Variants in ECE1 observed in about 807,000 individuals in gnomAD.
ECE1 encodes the protein endothelin-converting enzyme 1.
ECE1 carries 35 observed loss-of-function variants against 98.6 expected under a neutral mutation model. The ratio of observed to expected loss-of-function variants is 0.35; its 90% CI spans 0.27 to 0.47. The LOEUF (loss-of-function observed/expected upper bound fraction) is 0.47, where lower values mean the gene tolerates loss of function less well. Ranked by LOEUF, ECE1 falls within the 20% of genes least tolerant of loss-of-function variation. The pLI is 1.00. For missense variants in ECE1, 814 were observed against 1,025.3 expected, an observed-to-expected ratio of 0.79 and a Z score of 2.81; for synonymous variants, 394 against 407.1, an observed-to-expected ratio of 0.97 and a Z score of 0.39.
At chr1:21,268,706 G>A (rs4391640) in intron 4 of ECE1, among the ~76,000 whole-genome samples, 8 of 152,168 alleles carry the variant, frequency 5.3e-5, no homozygotes, top group Middle Eastern at 3.2e-3. Flanking sequence ...TTGTTCCCGT[G>A]CCCATCAGCT....
chr1:21,266,003 C>T (rs888475965), intron 4 of ECE1: 3 of 152,228 alleles, frequency 2.0e-5, no homozygotes, highest in East Asian at 3.9e-4. Context: ...TCAGTCCCTA[C>T]CCCAAAGTCC....
intron 4 of ECE1, among the ~76,000 whole-genome samples, chr1:21,261,900 A>G (rs1000305896): frequency 1.3e-5 from 2 of 152,182 alleles, no homozygotes; most frequent in African/African-American, 4.8e-5. Flanking sequence ...TGTGGGGACA[A>G]GCGGGGATGC....
chr1:21,294,185 T>G (rs1638286160), upstream of ECE1: 1 of 152,488 alleles, frequency 6.6e-6, no homozygotes, highest in Non-Finnish European at 1.5e-5. This position sits in a 1 kb window ranked among gnomAD's most constrained non-coding sequence, Gnocchi z 4.2. Context: ...CTGTGCTCCT[T>G]GTGGAAGATG....
chr1:21,272,716 A>T lies in ECE1; in HGVS notation c.476T>A (p.Ile159Asn). ...ATGCTTACCGAGGAGGTGCTTGATG[A>T]TTGCTTGGTTGTGTTCCCAGAGGTT... Reference protein sequence around the residue: ...FSNLWEHNQAIIKHLLENSTA... With the variant: ...FSNLWEHNQANIKHLLENSTA... Residue 159 changes from isoleucine (I) to asparagine (N), a missense_variant, in exon 4 of 19, where the codon ATC becomes AAC. Around this residue, in one of 3 missense-constraint regions of ECE1, gnomAD observed 257 missense variants for 278.9 expected, o/e 0.92. Coordinates refer to ENST00000374893, the MANE Select transcript of ECE1 (RefSeq NM_001397.3). The T allele has an allele frequency of 6.2e-7, 1 of 1,614,188 alleles. No homozygotes were observed. Among genetic ancestry groups the T allele is most frequent in the Non-Finnish European group, 8.5e-7 (1 of 1,180,036 alleles).
chr1:21,219,882 G>T lies in ECE1; in HGVS notation c.*73C>A. The T allele has an allele frequency of 6.3e-7, 1 of 1,593,696 alleles. No individual in the cohort carries two copies. The highest frequency in any genetic ancestry group is 8.6e-7 in the Non-Finnish European group (1 of 1,167,568). On this transcript the variant is annotated 3_prime_UTR_variant, in exon 19 of 19. Coordinates refer to ENST00000374893, the MANE Select transcript of ECE1 (RefSeq NM_001397.3). This position sits in a 1 kb window ranked among gnomAD's most constrained non-coding sequence, Gnocchi z 4.5. Reference sequence around the variant, plus strand: ...CGGGTGGCCAAGCGGGCTGAGCAATGCCCTGGAGGCTGGATGGGGGTCTCG... The same window carrying T: ...CGGGTGGCCAAGCGGGCTGAGCAATTCCCTGGAGGCTGGATGGGGGTCTCG...
chr1:21,295,662 T>G (rs1638335334), intron 1 of ECE1, among the ~76,000 whole-genome samples: 1 of 152,252 alleles, frequency 6.6e-6, no homozygotes, highest in Non-Finnish European at 1.5e-5. Flanking sequence ...TTCTTGGCCT[T>G]TAGGTTCAGC....
chr1:21,242,378 T>C (rs1341206775), intron 10 of ECE1, among the ~76,000 whole-genome samples: 1 of 152,184 alleles, frequency 6.6e-6, no homozygotes, highest in East Asian at 1.9e-4. Flanking sequence ...ATGAAGGCCA[T>C]TCACAAAAGT....
chr1:21,236,402 C>A (rs1481303536), intron 12 of ECE1, among the ~76,000 whole-genome samples: 1 of 152,252 alleles, frequency 6.6e-6, no homozygotes, highest in Non-Finnish European at 1.5e-5. Flanking sequence ...ATAATGCCAG[C>A]GCTTTGGCAG....
Position 21,327,126 on chromosome 1 carries a change from C to T in ECE1, c.3+18250G>A, listed in dbSNP as rs1639096299. On this transcript the variant is annotated intron_variant, in intron 1 of 18. Transcript: ENST00000415912. This position sits in a 1 kb window ranked among gnomAD's most constrained non-coding sequence, Gnocchi z 4.6. ...AAGCACCCCACTCCCTTGAAGCTGC[C>T]AGACTCTGCAGGCAGCAGGGCATGG... 6.6e-6 allele frequency among the ~76,000 whole-genome samples: 1 copy of T among 152,170 alleles called. No individual in the cohort carries two copies. The highest frequency in any genetic ancestry group is 6.5e-5 in the Admixed American group (1 of 15,286).
chr1:21,289,906 G>T (rs887893427), intron 2 of ECE1, among the ~76,000 whole-genome samples, 164 bp downstream of exon 2: 3 of 151,512 alleles, frequency 2.0e-5, no homozygotes, highest in African/African-American at 7.3e-5. Context: ...TTCTCAGCGC[G>T]GAGCTCCAGC....
chr1:21,264,550 G>C (rs2098231457), intron 4 of ECE1, among the ~76,000 whole-genome samples: 3 of 152,226 alleles, frequency 2.0e-5, no homozygotes, highest in African/African-American at 7.2e-5. Flanking sequence ...CCTGACCTCA[G>C]GTGGTCTGCC....
rs1322524660 is a variant in ECE1, at chr1:21,319,392, G to A, written c.3+25984C>T. 6.6e-6 allele frequency among the ~76,000 whole-genome samples: 1 copy of A among 151,730 alleles called. No homozygotes were observed. The highest frequency in any genetic ancestry group is 1.5e-5 in the Non-Finnish European group (1 of 67,982). ...TAATCATAATCATAATCATAAAGTG[G>A]ACTACGCAGGGCTTTTCTAGAGACA... is the stretch of plus-strand genomic sequence containing the variant. On this transcript the variant is annotated intron_variant, in intron 1 of 18. Transcript: ENST00000415912. This position sits in a 1 kb window ranked among gnomAD's most constrained non-coding sequence, Gnocchi z 4.4.
At chr1:21,282,211 G>C (rs2098255382) in intron 2 of ECE1, among the ~76,000 whole-genome samples, 1 of 151,626 alleles carries the variant, frequency 6.6e-6, no homozygotes, top group South Asian at 2.1e-4. Context: ...GATTGCTTGA[G>C]CCCGGAAGGT....
chr1:21,333,904 C>T (rs142640985), intron 1 of ECE1, among the ~76,000 whole-genome samples: 2 of 152,294 alleles, frequency 1.3e-5, no homozygotes, highest in Non-Finnish European at 2.9e-5. Flanking sequence ...CTCCGTGCAC[C>T]GTCCTGTGAG....
At chr1:21,251,233 C>T (rs2317112) in intron 8 of ECE1, among the ~76,000 whole-genome samples, 3 of 152,064 alleles carry the variant, frequency 2.0e-5, no homozygotes, top group Non-Finnish European at 2.9e-5. Flanking sequence ...ACAACTGCGC[C>T]GGGCACGGTG....
At chr1:21,341,386 G>GA (rs1639395589) in intron 1 of ECE1, among the ~76,000 whole-genome samples, 2 of 152,184 alleles carry the variant, frequency 1.3e-5, no homozygotes, top group Non-Finnish European at 2.9e-5. Flanking sequence ...CAATTGGAGA[G>GA]AAAAAAATTG....
At chr1:21,230,665 C>T (rs757980141) in intron 14 of ECE1, among the ~76,000 whole-genome samples, 10 of 152,114 alleles carry the variant, frequency 6.6e-5, no homozygotes, top group Middle Eastern at 3.4e-3. Flanking sequence ...GGATTACAGG[C>T]GTGAGCCACC....
chr1:21,236,833 G>T lies in ECE1; in HGVS notation c.1401C>A (p.Ile467=), dbSNP rs1021488634. 9.3e-6 allele frequency: 15 copies of T among 1,613,600 alleles called. No individual in the cohort carries two copies. In the African/African-American group the frequency reaches 1.7e-4, roughly 19 times the overall value. The stretch of plus-strand genomic sequence containing the variant: ...CAAATGCCTTCTTAATCTCCAGGAT[G>T]ATCTCGGTGGCCTGAGGAGATACAC... ...AEDSKSIATE[I]ILEIKKAFEE... is the part of the protein sequence containing the mutation. The change falls in exon 12 of 19, where the codon ATC becomes ATA. Residue 467 remains isoleucine, a synonymous_variant. Coordinates refer to ENST00000374893, the MANE Select transcript of ECE1 (RefSeq NM_001397.3).
chr1:21,279,600 G>A, intron 2 of ECE1: 1 of 1,433,402 alleles, frequency 7.0e-7, no homozygotes, highest in Non-Finnish European at 9.1e-7. Flanking sequence ...CGATATGAGT[G>A]GAAGGAAAAA....
Sources: allele counts gnomAD v4.1 joint callset (sites outside exome capture counted in the v4.1 genomes callset), GRCh38; gene constraint gnomAD v4.1.1; regional missense constraint gnomAD v4.1.1; non-coding constraint Gnocchi (gnomAD v3.1); transcripts MANE v1.5; gene names NCBI Gene and HGNC (gene_info 2026-07-23, HGNC 2026-07-21).